Variants in PADI2 observed in about 807,000 individuals in gnomAD.
PADI2 encodes the protein peptidyl arginine deiminase 2, also known as protein-arginine deiminase type-2.
In PADI2, 70 loss-of-function variants were observed where a neutral mutation model predicts 81.1. The observed-to-expected ratio is 0.86, with a 90% CI of 0.71 to 1.05. The LOEUF (loss-of-function observed/expected upper bound fraction) is 1.05. Among genes scored for constraint, PADI2 ranks in the 50% least tolerant of loss-of-function variants. PADI2 has a pLI of 0.00. For synonymous variants in PADI2, 338 were observed against 358.0 expected, an observed-to-expected ratio of 0.94 and a Z score of 0.63; for missense variants, 853 against 889.9, an observed-to-expected ratio of 0.96 and a Z score of 0.53.
intron 11 of PADI2, among the ~76,000 whole-genome samples, chr1:17,076,722 G>A (rs1367016465): frequency 6.6e-6 from 1 of 151,962 alleles, no homozygotes; most frequent in Non-Finnish European, 1.5e-5. Context: ...GACTACAGGT[G>A]CCCACCACCC....
At chr1:17,099,957 T>C (rs1369951534) in intron 3 of PADI2, among the ~76,000 whole-genome samples, 1 of 152,104 alleles carries the variant, frequency 6.6e-6, no homozygotes, top group Non-Finnish European at 1.5e-5. Flanking sequence ...TTCTGCTCAA[T>C]GTGGACTCAG....
chr1:17,099,775 A>T (rs1931075276), intron 3 of PADI2, among the ~76,000 whole-genome samples: 1 of 152,220 alleles, frequency 6.6e-6, no homozygotes. Context: ...GGCCCTTCGC[A>T]CACAACATCC....
chr1:17,093,526 C>T (rs1379149970), intron 5 of PADI2, 41 bp downstream of exon 5: 3 of 1,307,664 alleles, frequency 2.3e-6, no homozygotes, highest in Non-Finnish European at 3.3e-6. Flanking sequence ...AATCTTTTCA[C>T]TCCTCTCATC....
At chr1:17,096,202 A>T (rs1930922801) in intron 3 of PADI2, among the ~76,000 whole-genome samples, 1 of 152,212 alleles carries the variant, frequency 6.6e-6, no homozygotes, top group Non-Finnish European at 1.5e-5. Flanking sequence ...AAGAGCTGCC[A>T]TCGGGGAGGT....
chr1:17,094,918 C>T (rs1354854456), intron 4 of PADI2, among the ~76,000 whole-genome samples: 1 of 152,166 alleles, frequency 6.6e-6, no homozygotes, highest in African/African-American at 2.4e-5. Context: ...TGGCCCTGGT[C>T]TCAGGCAAGC....
In PADI2 at chr1:17,070,214, G is replaced by C. The variant is rs2078255491; in HGVS notation, c.1638C>G (p.Arg546=). 6.2e-7 allele frequency: 1 copy of C among 1,613,730 alleles called. No homozygotes were observed. The stretch of plus-strand genomic sequence containing the variant: ...GGATGTCACGGTTCCAGTCTAGGCA[G>C]CGCTGGGTAGGAGAAAGGATGGAGG... The part of the protein sequence containing the change: ...SLVQENLYFQ[R]CLDWNRDILK... Residue 546 remains arginine (R), a splice_region_variant and synonymous_variant, in exon 15 of 16, where the codon CGC becomes CGG. Coordinates refer to ENST00000375486, the MANE Select transcript of PADI2 (RefSeq NM_007365.3).
intron 1 of PADI2, among the ~76,000 whole-genome samples, chr1:17,116,024 A>G (rs1931746370): frequency 1.3e-5 from 2 of 150,386 alleles, no homozygotes; most frequent in South Asian, 4.3e-4. Context: ...GACCCCTCAT[A>G]GGGCAGCATA....
chr1:17,116,860 A>G (rs1186376024), intron 1 of PADI2, among the ~76,000 whole-genome samples: 3 of 152,174 alleles, frequency 2.0e-5, no homozygotes, highest in African/African-American at 7.2e-5. Flanking sequence ...AGTTGCTCTC[A>G]TTACTACAGG....
In PADI2 at chr1:17,103,938, C is replaced by T. The variant is rs911649444; in HGVS notation, c.277-879G>A. 6.6e-5 allele frequency among the ~76,000 whole-genome samples: 10 copies of T among 151,574 alleles called. No individual in the cohort carries two copies. In the East Asian group the frequency reaches 1.4e-3, roughly 21 times the overall value. ...GCTTGAGGTTGCAGTGAGCTATGAT[C>T]GCACCACTGCACTCCAGCCTGGGAG... On this transcript the variant is annotated intron_variant, in intron 2 of 15. Coordinates refer to ENST00000375486, the MANE Select transcript of PADI2 (RefSeq NM_007365.3).
chr1:17,109,442 T>C (rs538650535), intron 1 of PADI2, among the ~76,000 whole-genome samples: 20 of 142,484 alleles, frequency 1.4e-4, no homozygotes, highest in African/African-American at 4.7e-4. Flanking sequence ...ACTGGATTCC[T>C]GCCACTCCCC....
At chr1:17,079,627 AGTGAGAGTGAGT>A (rs1022769240) in intron 10 of PADI2, among the ~76,000 whole-genome samples, 94 of 150,990 alleles carry the variant, frequency 6.2e-4, no homozygotes, top group Middle Eastern at 3.4e-3. Flanking sequence ...TGAGAGTGCG[AGTGAGAGTGAGT>A]GTGAGAGTGA....
intron 5 of PADI2, 27 bp downstream of exon 5, chr1:17,093,540 C>T (rs770901242): frequency 4.9e-6 from 7 of 1,414,964 alleles, no homozygotes; most frequent in African/African-American, 1.4e-5. Context: ...TCTCATCCTG[C>T]CCCCCAAGTG....
At chr1:17,086,796 T>C in intron 6 of PADI2, 97 bp from the exon 7 acceptor site, 1 of 973,910 alleles carries the variant, frequency 1.0e-6, no homozygotes, top group Non-Finnish European at 1.6e-6. Context: ...AAGTAACTTG[T>C]CCTCTAGACA....
rs745993826 is a variant in PADI2, at chr1:17,082,618, T to TG, written c.1084dup (p.His362ProfsTer2). On this transcript the variant is annotated frameshift_variant, in exon 10 of 16. Coordinates refer to ENST00000375486, the MANE Select transcript of PADI2 (RefSeq NM_007365.3). LOFTEE classifies it high-confidence loss of function. ...GTCCAGCACCACGGGGAAGCCTTTA[T>TG]GGGGGGCCTCGATGTAGCCAAACTC... is the stretch of plus-strand genomic sequence containing the variant. 1.1e-4 allele frequency: 172 copies of TG among 1,611,240 alleles called. No individual in the cohort carries two copies. Among genetic ancestry groups the TG allele is most frequent in the Middle Eastern group, 3.3e-4 (2 of 6,034 alleles).
intron 11 of PADI2, among the ~76,000 whole-genome samples, chr1:17,076,616 ACT>A (rs1404325327): frequency 6.6e-6 from 1 of 150,646 alleles, no homozygotes; most frequent in Non-Finnish European, 1.5e-5. Flanking sequence ...ACAGAGTCTA[ACT>A]CTGTCACCAG....
At position 17,070,216 on chromosome 1, in the gene PADI2, G is replaced by A. The variant is rs1456723333; in HGVS notation, c.1636C>T (p.Arg546Cys). The stretch of plus-strand genomic sequence containing the variant: ...ATGTCACGGTTCCAGTCTAGGCAGC[G>A]CTGGGTAGGAGAAAGGATGGAGGGC... Reference protein sequence around the residue: ...SLVQENLYFQRCLDWNRDILK... With the variant: ...SLVQENLYFQCCLDWNRDILK... Residue 546 changes from arginine (R) to cysteine (C), a missense_variant and splice_region_variant, in exon 15 of 16, where the codon CGC becomes TGC. By Grantham distance (180) the Arg-to-Cys change is radical. Coordinates refer to ENST00000375486, the MANE Select transcript of PADI2 (RefSeq NM_007365.3). 10 of 1,613,606 alleles carry A rather than the reference G, an allele frequency of 6.2e-6. No homozygotes were observed. Among genetic ancestry groups the A allele is most frequent in the East Asian group, 2.2e-5 (1 of 44,880 alleles).
chr1:17,117,871 T>C (rs2100236077), intron 1 of PADI2, among the ~76,000 whole-genome samples: 1 of 152,242 alleles, frequency 6.6e-6, no homozygotes, highest in African/African-American at 2.4e-5. Flanking sequence ...GCAGGGGAGC[T>C]CTTGCACCCC....
intron 1 of PADI2, among the ~76,000 whole-genome samples, chr1:17,112,741 C>T (rs753692504): frequency 6.6e-6 from 1 of 152,224 alleles, no homozygotes; most frequent in African/African-American, 2.4e-5. Context: ...CCACCTGGTG[C>T]ATCCAGCTGT....
chr1:17,104,578 G>A (rs1931285950), intron 2 of PADI2, among the ~76,000 whole-genome samples: 1 of 151,272 alleles, frequency 6.6e-6, no homozygotes, highest in Non-Finnish European at 1.5e-5. Context: ...GGGTCTACAG[G>A]CACCCGCCCC....
Sources: gnomAD v4.1 joint callset for allele counts (sites outside exome capture counted in the v4.1 genomes callset) on GRCh38, gnomAD v4.1.1 for gene constraint, MANE v1.5 for transcripts, NCBI Gene and HGNC (gene_info 2026-07-23, HGNC 2026-07-21) for gene names.